The following MRPS16 variants were observed in gnomAD, a reference collection of about 807,000 sequenced individuals.
MRPS16 encodes small ribosomal subunit protein bS16m.
Under a neutral mutation model 11.0 loss-of-function variants are expected in MRPS16, and 5 were observed. That is an observed-to-expected ratio of 0.46 (90% CI 0.24 to 0.96). MRPS16 has a LOEUF of 0.96. Ranked by LOEUF, MRPS16 falls within the 40% of genes least tolerant of loss-of-function variation. The pLI is 0.20. For missense variants in MRPS16, 179 were observed against 174.4 expected (o/e 1.03, Z -0.15); for synonymous variants, 76 against 65.0 (o/e 1.17, Z -0.81).
In MRPS16 at chr10:73,249,177, C is replaced by G; in HGVS notation, c.*1675G>C. On this transcript the variant is annotated 3_prime_UTR_variant, in exon 3 of 3. Coordinates refer to ENST00000372945, the MANE Select transcript of MRPS16 (RefSeq NM_016065.4). ...AAGTGATCCTTCCACCTCAGCCTCC[C>G]AAAGTGCTGAGATTACAGGTGTGAG... The G allele has an allele frequency of 9.4e-7, 1 of 1,068,456 alleles. No individual in the cohort carries two copies. Among genetic ancestry groups the G allele is most frequent in the Non-Finnish European group, 1.4e-6 (1 of 726,256 alleles). The allele number at this position is 1,068,456 out of a possible 1,614,324, so 66.2% of individuals were successfully genotyped here.
chr10:73,252,356 G>A (rs544719473), intron 1 of MRPS16, 114 bp downstream of exon 1: 2 of 1,439,132 alleles, frequency 1.4e-6, no homozygotes, highest in East Asian at 4.7e-5. Context: ...AGGCAGTGTG[G>A]CTGCTTCAGG....
In MRPS16 at chr10:73,250,384, CAAAAA is replaced by C. The variant is rs113258240; in HGVS notation, c.*463_*467del. On this transcript the variant is annotated 3_prime_UTR_variant, in exon 3 of 3. Transcript: ENST00000372945. ...CTGGCAACAGAACAAGACTCCGTCT[CAAAAA>C]AAAAAAAAAAAAGAGAATATGCATT... The C allele has an allele frequency of 2.6e-4, 25 of 96,002 alleles. No homozygotes were observed. Among genetic ancestry groups the C allele is most frequent in the Admixed American group, 4.2e-4 (4 of 9,562 alleles). 5.9% of individuals were successfully genotyped at this position (96,002 alleles called of 1,614,324 possible).
Position 73,249,450 on chromosome 10 carries a change from A to G in MRPS16, c.*1402T>C. 1.2e-6 allele frequency: 1 copy of G among 860,662 alleles called. No homozygotes were observed. The highest frequency in any genetic ancestry group is 1.8e-6 in the Non-Finnish European group (1 of 559,732). The allele number at this position is 860,662 out of a possible 1,614,324, so 53.3% of individuals were successfully genotyped here. On this transcript the variant is annotated 3_prime_UTR_variant, in exon 3 of 3. Coordinates refer to ENST00000372945, the MANE Select transcript of MRPS16 (RefSeq NM_016065.4). The stretch of plus-strand genomic sequence containing the variant: ...AGGAAGGAAAAGATACAAGAAGTAA[A>G]ATGCAACACTCATTACAGGTTGTCA...
Position 73,249,013 on chromosome 10 carries a change from G to A in MRPS16, c.*1839C>T. 1 of 589,066 alleles carries A rather than the reference G, an allele frequency of 1.7e-6. No homozygotes were observed. The highest frequency in any genetic ancestry group is 3.3e-6 in the Non-Finnish European group (1 of 307,408). 36.5% of individuals were successfully genotyped at this position (589,066 alleles called of 1,614,324 possible). A position where few individuals can be genotyped will look rare whatever the true frequency, so the allele number is the denominator to read the frequency against. On this transcript the variant is annotated 3_prime_UTR_variant, in exon 3 of 3. Transcript: ENST00000372945. ...AGTTCACTGCAGCATCGGCCTCCTG[G>A]GCTCAAGTGATCTTACTGCCTCAGC...
intron 1 of MRPS16, chr10:73,252,252 C>T (rs574256524): frequency 9.8e-7 from 1 of 1,017,270 alleles, no homozygotes; most frequent in Non-Finnish European, 1.5e-6. Flanking sequence ...TCACTAGGCT[C>T]TGTGACCTTG....
rs886047201 is a variant in MRPS16, at chr10:73,252,563, AAC to A, written c.-83_-82del. On this transcript the variant is annotated 5_prime_UTR_variant, in exon 1 of 3. Transcript: ENST00000372945. Reference sequence around the variant, plus strand: ...TACGGCCTTGGCAGGGCAGAGAACAAACACAGAAAGAACCTGCAAGCCGACAC... The same window carrying A: ...TACGGCCTTGGCAGGGCAGAGAACAAACAGAAAGAACCTGCAAGCCGACAC... The A allele has an allele frequency of 4.6e-5, 72 of 1,574,216 alleles. No homozygotes were observed. In the Admixed American group the frequency reaches 5.6e-4, roughly 12 times the overall value.
At position 73,252,571 on chromosome 10, in the gene MRPS16, AAG is replaced by A; in HGVS notation, c.-91_-90del. 1 of 1,545,506 alleles carries A rather than the reference AAG, an allele frequency of 6.5e-7. No individual in the cohort carries two copies. On this transcript the variant is annotated 5_prime_UTR_variant, in exon 1 of 3. Coordinates refer to ENST00000372945, the MANE Select transcript of MRPS16 (RefSeq NM_016065.4). Reference sequence around the variant, plus strand: ...TGGCAGGGCAGAGAACAAACACAGAAAGAACCTGCAAGCCGACACCAGGCCGC... The same window carrying A: ...TGGCAGGGCAGAGAACAAACACAGAAAACCTGCAAGCCGACACCAGGCCGC...
chr10:73,252,307 G>C (rs2044126381), intron 1 of MRPS16, 163 bp downstream of exon 1: 1 of 1,206,006 alleles, frequency 8.3e-7, no homozygotes, highest in Admixed American at 2.0e-5. Flanking sequence ...TTTCAGCGGT[G>C]ATTAAGTGGG....
At chr10:73,251,600 C>T (rs2044099671) in intron 2 of MRPS16, among the ~76,000 whole-genome samples, 163 bp downstream of exon 2, 2 of 152,070 alleles carry the variant, frequency 1.3e-5, no homozygotes, top group Non-Finnish European at 2.9e-5. Flanking sequence ...ACTCTGGTCT[C>T]AAACTCTTGA....
chr10:73,248,940 CTT>C lies in MRPS16; in HGVS notation c.*1910_*1911del. On this transcript the variant is annotated 3_prime_UTR_variant, in exon 3 of 3. Transcript: ENST00000372945. ...CTCTAGCCAAATTATGTAATGTTTTCTTTTTCTTTTCTCTGTCACCCAGGCTG... is the reference window on the plus strand; with the variant it reads ...CTCTAGCCAAATTATGTAATGTTTTCTTTCTTTTCTCTGTCACCCAGGCTG... The C allele has an allele frequency of 2.0e-6, 1 of 497,404 alleles. No individual in the cohort carries two copies. The highest frequency in any genetic ancestry group is 1.6e-5 in the South Asian group (1 of 62,354). 30.8% of individuals were successfully genotyped at this position (497,404 alleles called of 1,614,324 possible). A position where few individuals can be genotyped will look rare whatever the true frequency, so the allele number is the denominator to read the frequency against.
At position 73,250,218 on chromosome 10, in the gene MRPS16, CAA is replaced by C. The variant is rs555061429; in HGVS notation, c.*632_*633del. ...CTGGGCGACAGAGCGAGACTCCTCT[CAA>C]AAAAAAAAAAAAAATTAGCTGGGTG... On this transcript the variant is annotated 3_prime_UTR_variant, in exon 3 of 3. Transcript: ENST00000372945. 6.0e-4 allele frequency: 79 copies of C among 132,040 alleles called. No homozygotes were observed. The highest frequency in any genetic ancestry group is 7.5e-4 in the Non-Finnish European group (46 of 61,284). 8.2% of individuals were successfully genotyped at this position (132,040 alleles called of 1,614,324 possible). A position where few individuals can be genotyped will look rare whatever the true frequency, so the allele number is the denominator to read the frequency against.
At position 73,250,919 on chromosome 10, in the gene MRPS16, C is replaced by T. The variant is rs147844712; in HGVS notation, c.347G>A (p.Arg116His). The change falls in exon 3 of 3, where the codon CGT becomes CAT. Residue 116 changes from arginine (R) to histidine (H), a missense_variant. Physicochemically the swap from Arg to His is conservative, Grantham distance 29 (BLOSUM62 0). Transcript: ENST00000372945. ...NAERLRRKRA[R>H]EVLLASQKTD... ...TTTCTGAGAAGCTAACAGGACTTCA[C>T]GTGCCCGTTTCCTTCGCAGTCTCTC... 8 of 1,614,192 alleles carry T rather than the reference C, an allele frequency of 5.0e-6. No individual in the cohort carries two copies. The highest frequency in any genetic ancestry group is 1.3e-5 in the African/African-American group (1 of 75,052).
At position 73,249,203 on chromosome 10, in the gene MRPS16, C is replaced by T; in HGVS notation, c.*1649G>A. 2 of 1,332,212 alleles carry T rather than the reference C, an allele frequency of 1.5e-6. No individual in the cohort carries two copies. Among genetic ancestry groups the T allele is most frequent in the Admixed American group, 2.0e-5 (1 of 49,130 alleles). 82.5% of individuals were successfully genotyped at this position (1,332,212 alleles called of 1,614,324 possible). On this transcript the variant is annotated 3_prime_UTR_variant, in exon 3 of 3. Transcript: ENST00000372945. ...AAAGTGCTGAGATTACAGGTGTGAG[C>T]CACTGCCCCAATGGTATCTTTATAT... is the stretch of plus-strand genomic sequence containing the variant.
In MRPS16 at chr10:73,249,640, A is replaced by G; in HGVS notation, c.*1212T>C. 1 of 300,216 alleles carries G rather than the reference A, an allele frequency of 3.3e-6. No individual in the cohort carries two copies. Among genetic ancestry groups the G allele is most frequent in the Non-Finnish European group, 6.4e-6 (1 of 157,322 alleles). The allele number at this position is 300,216 out of a possible 1,614,324, so 18.6% of individuals were successfully genotyped here. A position where few individuals can be genotyped will look rare whatever the true frequency, so the allele number is the denominator to read the frequency against. ...CTCAGAAGGATCCCATCTATGATAT[A>G]TGCAGAAATCACAGCCACATTTGAA... On this transcript the variant is annotated 3_prime_UTR_variant, in exon 3 of 3. Coordinates refer to ENST00000372945, the MANE Select transcript of MRPS16 (RefSeq NM_016065.4).
chr10:73,252,482 TG>T lies in MRPS16; in HGVS notation c.-1del. ...CCCGATGACTCACTGAGGTGGACCA[TG>T]GTGCCGCCGGCGTGCGGCTCCTCGG... On this transcript the variant is annotated 5_prime_UTR_variant, in exon 1 of 3. Coordinates refer to ENST00000372945, the MANE Select transcript of MRPS16 (RefSeq NM_016065.4). 1 of 1,608,690 alleles carries T rather than the reference TG, an allele frequency of 6.2e-7. No homozygotes were observed.
chr10:73,251,643 A>AGC lies in MRPS16; in HGVS notation c.274+118_274+119dup, dbSNP rs2044100369. 4.9e-6 allele frequency: 7 copies of AGC among 1,428,230 alleles called. No homozygotes were observed. In the Admixed American group the frequency reaches 1.2e-4, roughly 24 times the overall value. 88.5% of individuals were successfully genotyped at this position (1,428,230 alleles called of 1,614,324 possible). A position where few individuals can be genotyped will look rare whatever the true frequency, so the allele number is the denominator to read the frequency against. ...TGATCCGCCCGCCTCGGCCTCCCAAAGCGCTGAGATTACAGGCGTGAGCCA... is the reference window on the plus strand; with the variant it reads ...TGATCCGCCCGCCTCGGCCTCCCAAAGCGCGCTGAGATTACAGGCGTGAGCCA... On this transcript the variant is annotated intron_variant, in intron 2 of 2. Transcript: ENST00000372945.
chr10:73,250,697 C>CT lies in MRPS16; in HGVS notation c.*154dup, dbSNP rs1475044842. 2.0e-6 allele frequency: 2 copies of CT among 987,788 alleles called. No individual in the cohort carries two copies. Among genetic ancestry groups the CT allele is most frequent in the East Asian group, 4.8e-5 (2 of 41,504 alleles). The allele number at this position is 987,788 out of a possible 1,614,324, so 61.2% of individuals were successfully genotyped here. ...CTCTAAGTCACACAAGAACAAATCT[C>CT]TCCCTGGGCCCTGTGCAGGCCAGGC... On this transcript the variant is annotated 3_prime_UTR_variant, in exon 3 of 3. Coordinates refer to ENST00000372945, the MANE Select transcript of MRPS16 (RefSeq NM_016065.4).
Position 73,251,789 on chromosome 10 carries a change from A to T in MRPS16, c.248T>A (p.Leu83His), listed in dbSNP as rs761485368. The T allele has an allele frequency of 1.1e-5, 17 of 1,614,052 alleles. 1 individual carries two copies. The South Asian group carries it at 1.8e-4, about 17-fold the overall frequency. The part of the protein sequence containing the change: ...IRHWIGCGAH[L>H]SKPMEKLLGL... ...CAGAAGCTTTTCCATAGGCTTAGAGAGGTGGGCCCCGCAGCCAATCCAATG... is the reference window on the plus strand; with the variant it reads ...CAGAAGCTTTTCCATAGGCTTAGAGTGGTGGGCCCCGCAGCCAATCCAATG... The change falls in exon 2 of 3, where the codon CTC becomes CAC. Residue 83 changes from leucine to histidine, a missense_variant. By Grantham distance (99) the Leu-to-His change is moderately conservative. Transcript: ENST00000372945.
Position 73,250,566 on chromosome 10 carries a change from A to G in MRPS16, c.*286T>C, listed in dbSNP as rs550177586. On this transcript the variant is annotated 3_prime_UTR_variant, in exon 3 of 3. Transcript: ENST00000372945. ...GAAGTCTTGGAAGCCAGTAAATTGTAAAGTTGTCCAAGAGACCCAGAGCCC... is the reference window on the plus strand; with the variant it reads ...GAAGTCTTGGAAGCCAGTAAATTGTGAAGTTGTCCAAGAGACCCAGAGCCC... The G allele has an allele frequency of 2.3e-6, 1 of 428,406 alleles. No individual in the cohort carries two copies. The highest frequency in any genetic ancestry group is 2.2e-5 in the South Asian group (1 of 44,968). The allele number at this position is 428,406 out of a possible 1,614,324, so 26.5% of individuals were successfully genotyped here. A position where few individuals can be genotyped will look rare whatever the true frequency, so the allele number is the denominator to read the frequency against.
Sources: gnomAD v4.1 joint callset for allele counts (sites outside exome capture counted in the v4.1 genomes callset) on GRCh38, gnomAD v4.1.1 for gene constraint, MANE v1.5 for transcripts, NCBI Gene and HGNC (gene_info 2026-07-23, HGNC 2026-07-21) for gene names.